The following USP18 variants were observed in gnomAD, a reference collection of about 807,000 sequenced individuals.
The protein encoded by USP18 is ubiquitin specific peptidase 18, also known as ubl carboxyl-terminal hydrolase 18.
USP18 carries 11 observed loss-of-function variants against 48.7 expected under a neutral mutation model. That is an observed-to-expected ratio of 0.23 (90% CI 0.14 to 0.37). The LOEUF (loss-of-function observed/expected upper bound fraction) is 0.37. Ranked by LOEUF, USP18 falls within the 10% of genes least tolerant of loss-of-function variation. USP18 has a pLI of 1.00. For synonymous variants in USP18, 114 were observed against 163.2 expected (o/e 0.70, Z 2.30); for missense variants, 285 against 436.4 (o/e 0.65, Z 3.09).
At chr22:18,172,021 A>G (rs1929640877) in intron 8 of USP18, among the ~76,000 whole-genome samples, 1 of 152,118 alleles carries the variant, frequency 6.6e-6, no homozygotes, top group South Asian at 2.1e-4. Context: ...CTGTAATCTC[A>G]GCTCTTTGGG....
rs760638679 is a variant in USP18 at position 18,157,743 on chromosome 22, A to G, written c.80A>G (p.Glu27Gly). The G allele has an allele frequency of 2.1e-5, 34 of 1,614,086 alleles. No homozygotes were observed. The African/African-American group carries it at 4.0e-4, about 19-fold the overall frequency. Residue 27 changes from glutamate to glycine, a missense_variant, in exon 2 of 11, where the codon GAA (glutamate) becomes GGA (glycine). Glu to Gly is a moderately conservative substitution (Grantham distance 98, BLOSUM62 -2). This residue lies in a region of USP18 where 199 missense variants were observed against 239.6 expected (regional missense o/e 0.83). Transcript: ENST00000215794. ...TCCTCGCAGTCCCCGGCAGATCTTG[A>G]AGAAAAGAAGGAAGAAGACAGCAAC... is the stretch of plus-strand genomic sequence containing the variant. The part of the protein sequence containing the change: ...AESSQSPADL[E>G]EKKEEDSNMK...
At chr22:18,156,911 CCCCCAAGCA>C (rs1929167409) in intron 1 of USP18, among the ~76,000 whole-genome samples, 1 of 152,154 alleles carries the variant, frequency 6.6e-6, no homozygotes, top group African/African-American at 2.4e-5. Flanking sequence ...ACCTCTTCTT[CCCCCAAGCA>C]AACAGTGTCT....
At chr22:18,165,996 C>T (rs571259977) in intron 4 of USP18, among the ~76,000 whole-genome samples, 41 of 152,344 alleles carry the variant, frequency 2.7e-4, no homozygotes, top group South Asian at 1.2e-3. Context: ...TTGCCCCAGG[C>T]TGGCTTCAGA....
chr22:18,168,728 T>G (rs970189103), intron 6 of USP18, among the ~76,000 whole-genome samples: 42 of 152,196 alleles, frequency 2.8e-4, no homozygotes, highest in African/African-American at 1.0e-3. Flanking sequence ...ACAGCCACAC[T>G]GGGGATTCAG....
intron 4 of USP18, among the ~76,000 whole-genome samples, chr22:18,163,126 C>T (rs932325220): frequency 1.1e-4 from 17 of 151,790 alleles, no homozygotes; most frequent in African/African-American, 4.1e-4. Flanking sequence ...GAACTTTTTT[C>T]TGTCTCTTTG....
intron 10 of USP18, among the ~76,000 whole-genome samples, chr22:18,174,876 A>G (rs1929739844): frequency 6.6e-6 from 1 of 152,084 alleles, no homozygotes; most frequent in Non-Finnish European, 1.5e-5. Context: ...GATTATAGGC[A>G]TGAACACTGC....
At chr22:18,169,750 C>T (rs1929575587) in intron 6 of USP18, 94 bp from the exon 7 acceptor site, 1 of 1,406,840 alleles carries the variant, frequency 7.1e-7, no homozygotes, top group African/African-American at 1.4e-5. Flanking sequence ...CCAGTCTCAG[C>T]TATTGTCTCA....
chr22:18,175,906 G>T (rs1339348975), intron 10 of USP18, among the ~76,000 whole-genome samples: 1 of 149,464 alleles, frequency 6.7e-6, no homozygotes, highest in Non-Finnish European at 1.5e-5. Flanking sequence ...GGTCAGTTGA[G>T]CCCAGGAGCA....
At chr22:18,163,307 TG>T (rs1404556807) in intron 4 of USP18, among the ~76,000 whole-genome samples, 1 of 152,120 alleles carries the variant, frequency 6.6e-6, no homozygotes, top group African/African-American at 2.4e-5. Flanking sequence ...GTTTCTTCAT[TG>T]TTCTTGATTC....
At chr22:18,165,594 G>T (rs1929451911) in intron 4 of USP18, among the ~76,000 whole-genome samples, 1 of 150,164 alleles carries the variant, frequency 6.7e-6, no homozygotes, top group African/African-American at 2.5e-5. Context: ...TTCCCTGCTG[G>T]GCAAAAGGAA....
intron 6 of USP18, 67 bp downstream of exon 6, chr22:18,168,103 A>G: frequency 6.3e-7 from 1 of 1,588,700 alleles, no homozygotes; most frequent in South Asian, 1.1e-5. Flanking sequence ...GTTATAACTC[A>G]ATATCTGAGA....
chr22:18,155,882 G>A (rs361816), intron 1 of USP18, among the ~76,000 whole-genome samples: 32,348 of 152,258 alleles, frequency 0.21, 4,490 homozygotes, highest in East Asian at 0.64. Context: ...GGCGCACGGC[G>A]CGGGACTGGC....
At chr22:18,175,164 C>T (rs1470502704) in intron 10 of USP18, among the ~76,000 whole-genome samples, 1 of 152,190 alleles carries the variant, frequency 6.6e-6, no homozygotes, top group South Asian at 2.1e-4. Context: ...CCGCCCACCT[C>T]GGCCTCTCAA....
chr22:18,158,892 T>C lies in USP18; in HGVS notation c.157+1072T>C, dbSNP rs148307051. Among the ~76,000 whole-genome samples, 1,342 of 152,276 alleles carry C rather than the reference T, an allele frequency of 8.8e-3. 21 individuals are homozygous for C. The highest frequency in any genetic ancestry group is 0.031 in the African/African-American group (1,271 of 41,556). On this transcript the variant is annotated intron_variant, in intron 2 of 10. Transcript: ENST00000215794. Reference sequence around the variant, plus strand: ...TTGGACTTAGCTCCGTGGAGAACGATTTGAATGAAAGGAAGCCATATTCTC... The same window carrying C: ...TTGGACTTAGCTCCGTGGAGAACGACTTGAATGAAAGGAAGCCATATTCTC...
intron 8 of USP18, 117 bp from the exon 9 acceptor site, chr22:18,173,033 G>C (rs1302386426): frequency 7.1e-6 from 11 of 1,552,282 alleles, no homozygotes; most frequent in Non-Finnish European, 9.6e-6. Flanking sequence ...TGTGGGTCGG[G>C]ACTGTTTTCT....
At chr22:18,158,706 C>A (rs1929236527) in intron 2 of USP18, among the ~76,000 whole-genome samples, 1 of 152,184 alleles carries the variant, frequency 6.6e-6, no homozygotes, top group Non-Finnish European at 1.5e-5. Context: ...TGCCTTTCAG[C>A]CTCTCAGGGT....
At chr22:18,173,653 T>A in intron 9 of USP18, 140 bp from the exon 10 acceptor site, 1 of 1,246,898 alleles carries the variant, frequency 8.0e-7, no homozygotes, top group Non-Finnish European at 1.1e-6. Flanking sequence ...GCACAAGACA[T>A]CCTGCTGCTG....
In USP18 at chr22:18,157,963, C is replaced by T. The variant is rs79535684; in HGVS notation, c.157+143C>T. ...TTTCTGCATCTTTTAGATGGGGATA[C>T]AGCCTGGGCCATAGTGAAACCCTAT... On this transcript the variant is annotated intron_variant, in intron 2 of 10. Transcript: ENST00000215794. The T allele has an allele frequency of 3.4e-3, 4,177 of 1,212,406 alleles. 117 individuals carry two copies. In the African/African-American group the frequency reaches 0.056, roughly 16 times the overall value. 75.1% of individuals were successfully genotyped at this position (1,212,406 alleles called of 1,614,324 possible). A position where few individuals can be genotyped will look rare whatever the true frequency, so the allele number is the denominator to read the frequency against.
intron 4 of USP18, among the ~76,000 whole-genome samples, chr22:18,162,865 G>A (rs900849988): frequency 1.3e-5 from 2 of 151,774 alleles, no homozygotes; most frequent in Non-Finnish European, 2.9e-5. Flanking sequence ...CTTTGGATAA[G>A]CTTTCCATCT....
Sources: gnomAD v4.1 joint callset for allele counts (sites outside exome capture counted in the v4.1 genomes callset) on GRCh38, gnomAD v4.1.1 for gene constraint, gnomAD v4.1.1 regional missense constraint, MANE v1.5 for transcripts, NCBI Gene and HGNC (gene_info 2026-07-23, HGNC 2026-07-21) for gene names.